HEXB: variants seen among roughly 807,000 people sequenced by gnomAD.
HEXB encodes beta-hexosaminidase subunit beta.
Under a neutral mutation model 71.2 loss-of-function variants are expected in HEXB, and 51 were observed. That is an observed-to-expected ratio of 0.72 (90% CI 0.57 to 0.90). HEXB has a LOEUF of 0.90. HEXB is among the 40% of genes least tolerant of loss of function. The probability of loss-of-function intolerance (pLI) is 0.00; values close to 1 mark genes in which losing one functional copy is unlikely to be tolerated. For missense variants in HEXB, 617 were observed against 677.0 expected, an observed-to-expected ratio of 0.91 and a Z score of 0.98; for synonymous variants, 266 against 249.3, an observed-to-expected ratio of 1.07 and a Z score of -0.63.
At chr5:74,695,743 A>G (rs1335368011) in intron 3 of HEXB, among the ~76,000 whole-genome samples, 1 of 149,940 alleles carries the variant, frequency 6.7e-6, no homozygotes, top group Non-Finnish European at 1.5e-5. Context: ...TGGGAGGCTG[A>G]GGCAGGAGAA....
At chr5:74,655,769 A>G (rs1322007281) in intron 1 of HEXB, among the ~76,000 whole-genome samples, 5 of 152,226 alleles carry the variant, frequency 3.3e-5, no homozygotes, top group Admixed American at 2.0e-4. Context: ...TACATACACA[A>G]TATCTTTTTA....
At chr5:74,663,193 G>C (rs890747691) in intron 1 of HEXB, among the ~76,000 whole-genome samples, 2 of 131,744 alleles carry the variant, frequency 1.5e-5, no homozygotes, top group African/African-American at 2.7e-5. Context: ...CTTTTTTTTG[G>C]GGGGGTGGAG....
Position 74,705,299 on chromosome 5 carries a change from T to C in HEXB, c.750T>C (p.Thr250=). The C allele has an allele frequency of 6.3e-7, 1 of 1,594,822 alleles. No individual in the cohort carries two copies. Among genetic ancestry groups the C allele is most frequent in the South Asian group, 1.1e-5 (1 of 90,680 alleles). The part of the protein sequence containing the change: ...DDQSFPYQSI[T]FPELSNKGSY... ...AGTCTTTCCCATATCAGAGCATCAC[T>C]TTTCCTGAGTTAAGCAATAAAGTGA... is the stretch of plus-strand genomic sequence containing the variant. Residue 250 remains threonine (T), a synonymous_variant, in exon 6 of 14, where the codon ACT becomes ACC. Coordinates refer to ENST00000261416, the MANE Select transcript of HEXB (RefSeq NM_000521.4).
intron 1 of HEXB, among the ~76,000 whole-genome samples, chr5:74,677,836 G>GT (rs945781229): frequency 5.9e-5 from 9 of 152,050 alleles, no homozygotes; most frequent in African/African-American, 1.9e-4. Context: ...CTAATGTGTA[G>GT]TTTTTTTAGC....
At chr5:74,646,289 A>G (rs1420180345) in intron 1 of HEXB, among the ~76,000 whole-genome samples, 1 of 152,134 alleles carries the variant, frequency 6.6e-6, no homozygotes, top group Non-Finnish European at 1.5e-5. Context: ...AACTCTCCTA[A>G]ATAAAAGTGA....
At chr5:74,646,802 C>T (rs1748010088) in intron 1 of HEXB, among the ~76,000 whole-genome samples, 1 of 151,816 alleles carries the variant, frequency 6.6e-6, no homozygotes, top group African/African-American at 2.4e-5. Flanking sequence ...CTCCTGACCT[C>T]GTGATACACC....
In HEXB at chr5:74,720,631, T is replaced by G. The variant is rs903926012; in HGVS notation, c.1509-12T>G. The G allele has an allele frequency of 6.2e-7, 1 of 1,613,274 alleles. No individual in the cohort carries two copies. Among genetic ancestry groups the G allele is most frequent in the African/African-American group, 1.3e-5 (1 of 75,008 alleles). ...AAACTGCTTGCGGGGGGATGTGTGA[T>G]TTAAATTTTAGGCCTCGGGCAAGTG... On this transcript the variant is annotated splice_polypyrimidine_tract_variant and intron_variant, in intron 12 of 13. Coordinates refer to ENST00000261416, the MANE Select transcript of HEXB (RefSeq NM_000521.4).
chr5:74,676,348 C>T (rs1194693362), intron 1 of HEXB, among the ~76,000 whole-genome samples: 1 of 152,142 alleles, frequency 6.6e-6, no homozygotes, highest in Non-Finnish European at 1.5e-5. Context: ...ACTATGTTGC[C>T]CAGGCTGGTC....
At chr5:74,715,020 G>T (rs568062593) in intron 7 of HEXB, among the ~76,000 whole-genome samples, 13 of 152,168 alleles carry the variant, frequency 8.5e-5, no homozygotes, top group Non-Finnish European at 1.8e-4. Context: ...AGACATTCTG[G>T]AAATATCCAT....
chr5:74,668,903 C>T (rs1748483614), intron 1 of HEXB, among the ~76,000 whole-genome samples: 1 of 152,172 alleles, frequency 6.6e-6, no homozygotes, highest in Non-Finnish European at 1.5e-5. Context: ...TATTTGGATG[C>T]AAGTCTTCTG....
chr5:74,702,010 G>A (rs1327146595), intron 5 of HEXB, among the ~76,000 whole-genome samples: 2 of 145,190 alleles, frequency 1.4e-5, no homozygotes, highest in East Asian at 2.0e-4. Context: ...CAGGTGTTCC[G>A]TTTACTTGTA....
chr5:74,643,211 G>A (rs967451349), intron 1 of HEXB, among the ~76,000 whole-genome samples: 1 of 152,166 alleles, frequency 6.6e-6, no homozygotes, highest in African/African-American at 2.4e-5. Context: ...GCTTATCTCA[G>A]CTGAAAATGA....
At chr5:74,654,687 C>T (rs1301488129) in intron 1 of HEXB, among the ~76,000 whole-genome samples, 1 of 152,134 alleles carries the variant, frequency 6.6e-6, no homozygotes, top group Non-Finnish European at 1.5e-5. Flanking sequence ...CCTCACAAGG[C>T]ACATGGGGCC....
chr5:74,659,720 C>T (rs990074236), intron 1 of HEXB, among the ~76,000 whole-genome samples: 1 of 152,146 alleles, frequency 6.6e-6, no homozygotes, highest in Non-Finnish European at 1.5e-5. Context: ...CTTATCTTTT[C>T]AATCAGCCAA....
chr5:74,655,085 G>A (rs377340284), intron 1 of HEXB, among the ~76,000 whole-genome samples: 1 of 150,430 alleles, frequency 6.6e-6, no homozygotes, highest in African/African-American at 2.5e-5. Context: ...CTCCCAGAGA[G>A]GGTGGAGGTG....
upstream of HEXB, among the ~76,000 whole-genome samples, chr5:74,683,685 GAGAA>G (rs1420428218): frequency 6.6e-6 from 1 of 152,078 alleles, no homozygotes; most frequent in African/African-American, 2.4e-5. Flanking sequence ...AGGGGAGCAG[GAGAA>G]AGAAAGGCAG....
At chr5:74,667,677 A>G (rs820850) in intron 1 of HEXB, among the ~76,000 whole-genome samples, 39,308 of 152,036 alleles carry the variant, frequency 0.26, 5,296 homozygotes, top group Non-Finnish European at 0.3. Flanking sequence ...GTTTGCTTGT[A>G]TGAGGGCAGC....
intron 5 of HEXB, among the ~76,000 whole-genome samples, chr5:74,704,834 G>A (rs1399428372): frequency 1.3e-5 from 2 of 152,188 alleles, no homozygotes; most frequent in African/African-American, 4.8e-5. Flanking sequence ...GCTCATGCCT[G>A]TAATCCCAGC....
At chr5:74,700,783 C>T (rs1749242981) in intron 5 of HEXB, among the ~76,000 whole-genome samples, 1 of 152,114 alleles carries the variant, frequency 6.6e-6, no homozygotes, top group South Asian at 2.1e-4. Flanking sequence ...TCTCAGCTCA[C>T]TGCAACCTCC....
Sources: gnomAD v4.1 joint callset for allele counts (sites outside exome capture counted in the v4.1 genomes callset) on GRCh38, gnomAD v4.1.1 for gene constraint, MANE v1.5 for transcripts, NCBI Gene and HGNC (gene_info 2026-07-23, HGNC 2026-07-21) for gene names.